Variants in MGST2 observed in about 807,000 individuals in gnomAD.
MGST2 encodes glutathione peroxidase MGST2.
In MGST2, 9 loss-of-function variants were observed where a neutral mutation model predicts 16.6. The ratio of observed to expected loss-of-function variants is 0.54; its 90% confidence interval spans 0.33 to 0.95. The LOEUF is 0.95. Among genes scored for constraint, MGST2 ranks in the 40% least tolerant of loss-of-function variants. MGST2 has a pLI of 0.03. For synonymous variants in MGST2, 79 were observed against 68.0 expected, an observed-to-expected ratio of 1.16 and a Z score of -0.79; for missense variants, 159 against 175.1, an observed-to-expected ratio of 0.91 and a Z score of 0.52.
chr4:139,737,558 T>C (rs528136056), intron 5 of MGST2, among the ~76,000 whole-genome samples: 2 of 89,420 alleles, frequency 2.2e-5, no homozygotes, highest in South Asian at 2.8e-4. Context: ...ATATGCATCA[T>C]TTTTTTTAAT....
In MGST2 at chr4:139,720,424, T is replaced by C. The variant is rs569532730; in HGVS notation, c.*48+16228T>C. Reference sequence around the variant, plus strand: ...CTTTGGGAATGACAAAATTCCTTTATATGAAAGGATCTACTCTGATAATAA... The same window carrying C: ...CTTTGGGAATGACAAAATTCCTTTACATGAAAGGATCTACTCTGATAATAA... On this transcript the variant is annotated intron_variant, in intron 5 of 5. Transcript: ENST00000616265. 1.4e-5 allele frequency: 14 copies of C among 1,023,116 alleles called. No individual in the cohort carries two copies. In the South Asian group the frequency reaches 2.6e-4, roughly 19 times the overall value. The allele number at this position is 1,023,116 out of a possible 1,614,324, so 63.4% of individuals were successfully genotyped here.
intron 1 of MGST2, among the ~76,000 whole-genome samples, chr4:139,669,261 G>A (rs1022514723): frequency 3.3e-5 from 5 of 152,106 alleles, no homozygotes; most frequent in Non-Finnish European, 7.4e-5. Flanking sequence ...GAGAGAGAGT[G>A]TGTAAGAGGG....
At chr4:139,711,799 C>A (rs1272714851) in intron 5 of MGST2, among the ~76,000 whole-genome samples, 1 of 151,664 alleles carries the variant, frequency 6.6e-6, no homozygotes, top group Non-Finnish European at 1.5e-5. Context: ...TCTGACATTT[C>A]CCCCCTTTCT....
chr4:139,728,766 G>A (rs1728580609), intron 5 of MGST2, among the ~76,000 whole-genome samples: 1 of 152,124 alleles, frequency 6.6e-6, no homozygotes, highest in African/African-American at 2.4e-5. Flanking sequence ...TCATCTTGAC[G>A]TGTCTCTTCT....
chr4:139,703,399 TAA>T, intron 3 of MGST2, 54 bp from the exon 4 acceptor site: 1 of 1,387,712 alleles, frequency 7.2e-7, no homozygotes, highest in Non-Finnish European at 1.0e-6. Context: ...TACAACATCT[TAA>T]GAGACTGCTG....
At chr4:139,713,270 A>G (rs1727805030) in intron 5 of MGST2, among the ~76,000 whole-genome samples, 1 of 152,182 alleles carries the variant, frequency 6.6e-6, no homozygotes, top group Non-Finnish European at 1.5e-5. Flanking sequence ...AACAGAACAG[A>G]GCATTTGATT....
rs116613240 is a variant in MGST2, at chr4:139,735,276, A to G, written c.*49-4936A>G. Among the ~76,000 whole-genome samples, 196 of 152,308 alleles carry G rather than the reference A, an allele frequency of 1.3e-3. No homozygotes were observed. Among genetic ancestry groups the G allele is most frequent in the Non-Finnish European group, 1.7e-3 (115 of 68,022 alleles). On this transcript the variant is annotated intron_variant, in intron 5 of 5. Transcript: ENST00000616265. This position sits in a 1 kb window ranked among gnomAD's most constrained non-coding sequence, Gnocchi z 5.8. Reference sequence around the variant, plus strand: ...CTCGAGGCCCTCTTTGCACAAAATGAGTTCTCTCTCCATTGCCGTGTATCT... The same window carrying G: ...CTCGAGGCCCTCTTTGCACAAAATGGGTTCTCTCTCCATTGCCGTGTATCT...
the MGST2 span, among the ~76,000 whole-genome samples, chr4:139,753,341 A>AATTT: frequency 4.8e-5 from 7 of 146,578 alleles, no homozygotes; most frequent in African/African-American, 1.8e-4. Context: ...TTTTCTTTTT[A>AATTT]ATCTATCTAT....
downstream of MGST2, among the ~76,000 whole-genome samples, chr4:139,708,646 G>A (rs1170285593): frequency 6.6e-6 from 1 of 151,972 alleles, no homozygotes; most frequent in African/African-American, 2.4e-5. Flanking sequence ...CTATAAATTA[G>A]TCCTTAAGTG....
chr4:139,749,167 T>C, the MGST2 span, among the ~76,000 whole-genome samples: 4 of 152,238 alleles, frequency 2.6e-5, no homozygotes, highest in East Asian at 7.7e-4. Context: ...ATGTACAGTT[T>C]CTATGTTCAC....
chr4:139,668,548 C>CT, intron 1 of MGST2, among the ~76,000 whole-genome samples: 1 of 142,360 alleles, frequency 7.0e-6, no homozygotes, highest in East Asian at 2.1e-4. Flanking sequence ...TACAAAAAGT[C>CT]TTAAGTGTTA....
intron 5 of MGST2, among the ~76,000 whole-genome samples, chr4:139,712,772 A>G (rs866647217): frequency 3.3e-5 from 5 of 152,204 alleles, no homozygotes; most frequent in African/African-American, 1.2e-4. Flanking sequence ...CAGTTCCCCA[A>G]AGGGTTTTTA....
chr4:139,719,021 G>A, intron 5 of MGST2: 1 of 329,506 alleles, frequency 3.0e-6, no homozygotes, highest in Non-Finnish European at 5.5e-6. Flanking sequence ...GGCGATCACA[G>A]GGCATGCTGG....
chr4:139,717,347 A>G (rs1728019077), intron 5 of MGST2: 1 of 152,506 alleles, frequency 6.6e-6, no homozygotes, highest in Non-Finnish European at 1.5e-5. Context: ...GGAAAAGGTA[A>G]TTATGTTTTG....
intron 5 of MGST2, among the ~76,000 whole-genome samples, chr4:139,726,336 A>G (rs1021622943): frequency 2.0e-5 from 3 of 152,188 alleles, no homozygotes; most frequent in African/African-American, 7.2e-5. Flanking sequence ...TACCCATTCT[A>G]CTAGTGATGT....
chr4:139,732,618 T>A (rs1248454228), intron 5 of MGST2, among the ~76,000 whole-genome samples: 3 of 151,692 alleles, frequency 2.0e-5, no homozygotes, highest in East Asian at 1.9e-4. Context: ...TTTACTTTTT[T>A]AAAAAATGTA....
chr4:139,675,442 G>A (rs1730909218), intron 1 of MGST2, among the ~76,000 whole-genome samples: 1 of 152,196 alleles, frequency 6.6e-6, no homozygotes, highest in Non-Finnish European at 1.5e-5. Context: ...CAAGATGAAG[G>A]TGGTCCCAGG....
intron 2 of MGST2, among the ~76,000 whole-genome samples, chr4:139,686,351 T>A (rs1731565734): frequency 1.3e-5 from 2 of 152,182 alleles, no homozygotes; most frequent in Admixed American, 1.3e-4. Context: ...GAGAATAGTT[T>A]GTAAAACGTT....
intron 5 of MGST2, among the ~76,000 whole-genome samples, chr4:139,711,363 T>C (rs1431063517): frequency 1.3e-5 from 2 of 152,128 alleles, no homozygotes; most frequent in Non-Finnish European, 2.9e-5. Flanking sequence ...AAAGCAAGTT[T>C]ATTAAGAAAG....
Sources: gnomAD v4.1 joint callset for allele counts (sites outside exome capture counted in the v4.1 genomes callset) on GRCh38, gnomAD v4.1.1 for gene constraint, Gnocchi (gnomAD v3.1) non-coding constraint, MANE v1.5 for transcripts, NCBI Gene and HGNC (gene_info 2026-07-23, HGNC 2026-07-21) for gene names.